Variants in NBEA observed in about 807,000 individuals in gnomAD.
The protein encoded by NBEA is lysosomal-trafficking regulator 2.
In NBEA, 44 loss-of-function variants were observed where a neutral mutation model predicts 343.4. The ratio of observed to expected loss-of-function variants is 0.13; its 90% confidence interval spans 0.10 to 0.16. The LOEUF is 0.16. Ranked by LOEUF, NBEA falls within the 10% of genes least tolerant of loss-of-function variation. NBEA has a pLI of 1.00. For missense variants in NBEA, 2,555 were observed against 3,631.3 expected (o/e 0.70, Z 7.62); for synonymous variants, 1,175 against 1,238.7 (o/e 0.95, Z 1.08).
intron 38 of NBEA, among the ~76,000 whole-genome samples, chr13:35,386,031 C>T (rs2042227384): frequency 6.6e-6 from 1 of 151,926 alleles, no homozygotes; most frequent in African/African-American, 2.4e-5. Flanking sequence ...TTAAAATACA[C>T]ATTTTCTGAA....
At chr13:35,398,793 A>G (rs903025435) in intron 38 of NBEA, among the ~76,000 whole-genome samples, 1 of 152,088 alleles carries the variant, frequency 6.6e-6, no homozygotes, top group African/African-American at 2.4e-5. Flanking sequence ...TGAATGGTCA[A>G]TGAGCTTTGG....
intron 38 of NBEA, among the ~76,000 whole-genome samples, chr13:35,416,167 A>T (rs1369447358): frequency 2.6e-5 from 4 of 152,180 alleles, no homozygotes; most frequent in Admixed American, 6.5e-5. Flanking sequence ...ATATACAATG[A>T]TGTCATCTGC....
chr13:35,620,815 C>T (rs1053602931), intron 48 of NBEA, among the ~76,000 whole-genome samples: 1 of 152,090 alleles, frequency 6.6e-6, no homozygotes, highest in Non-Finnish European at 1.5e-5. Flanking sequence ...CCTATAGTCT[C>T]CCTGGGACTT....
At chr13:35,458,471 T>G (rs1304087942) in intron 40 of NBEA, among the ~76,000 whole-genome samples, 3 of 152,204 alleles carry the variant, frequency 2.0e-5, no homozygotes, top group Non-Finnish European at 4.4e-5. Flanking sequence ...ACTGGAAAGC[T>G]GAGATAATTA....
intron 48 of NBEA, among the ~76,000 whole-genome samples, chr13:35,616,149 C>G (rs2082728819): frequency 6.6e-6 from 1 of 152,146 alleles, no homozygotes; most frequent in Non-Finnish European, 1.5e-5. Flanking sequence ...CATGGAAACT[C>G]TGAACCCAAG....
rs930298493 is a variant in NBEA at position 35,007,670 on chromosome 13, A to G, written c.295-33263A>G. Among the ~76,000 whole-genome samples the G allele has an allele frequency of 7.9e-5, 12 of 151,730 alleles. No individual in the cohort carries two copies. The South Asian group carries it at 2.5e-3, about 32-fold the overall frequency. On this transcript the variant is annotated intron_variant, in intron 1 of 58. Coordinates refer to ENST00000379939, the MANE Select transcript of NBEA (RefSeq NM_001385012.1). ...CTGTGCCACAGCTAATTTTTTTTGT[A>G]TTGGTGGAGATGGGGCTTTACCCTG...
chr13:35,530,613 T>G (rs1257616717), intron 41 of NBEA, among the ~76,000 whole-genome samples: 1 of 152,184 alleles, frequency 6.6e-6, no homozygotes, highest in East Asian at 1.9e-4. Flanking sequence ...GCTCTCTGCC[T>G]TGTTGCTGCT....
chr13:35,606,219 A>G (rs1005644951), intron 47 of NBEA, among the ~76,000 whole-genome samples: 1 of 152,194 alleles, frequency 6.6e-6, no homozygotes, highest in African/African-American at 2.4e-5. Context: ...TCATAAACAT[A>G]AATTTTCAAG....
intron 1 of NBEA, among the ~76,000 whole-genome samples, chr13:34,984,334 T>C (rs562807700): frequency 2.0e-5 from 3 of 152,316 alleles, no homozygotes; most frequent in Non-Finnish European, 2.9e-5. Context: ...TTGACAACTT[T>C]CTCAAAGATC....
chr13:35,078,211 C>T (rs572455614), intron 10 of NBEA, among the ~76,000 whole-genome samples: 1 of 152,200 alleles, frequency 6.6e-6, no homozygotes, highest in African/African-American at 2.4e-5. Flanking sequence ...TGGCCAATAC[C>T]CTGTTTAACA....
At chr13:34,964,526 A>T (rs558772183) in intron 1 of NBEA, among the ~76,000 whole-genome samples, 1 of 152,058 alleles carries the variant, frequency 6.6e-6, no homozygotes, top group South Asian at 2.1e-4. Flanking sequence ...CATGTTCCTT[A>T]GTTCCATTTA....
chr13:35,197,667 T>G (rs922333753), intron 31 of NBEA, among the ~76,000 whole-genome samples: 1 of 152,050 alleles, frequency 6.6e-6, no homozygotes, highest in African/African-American at 2.4e-5. Flanking sequence ...CACGCCTGGC[T>G]AATTTTTGTA....
At chr13:35,028,397 CAATT>C (rs1555280918) in intron 1 of NBEA, among the ~76,000 whole-genome samples, 1 of 151,748 alleles carries the variant, frequency 6.6e-6, no homozygotes, top group Non-Finnish European at 1.5e-5. Flanking sequence ...TTTACATAGA[CAATT>C]AATTTTTTAG....
At chr13:35,667,330 T>G (rs1400855048) in intron 56 of NBEA, 44 bp from the exon 57 acceptor site, 1 of 1,545,208 alleles carries the variant, frequency 6.5e-7, no homozygotes, top group Non-Finnish European at 8.9e-7. Context: ...GTATGTCGTT[T>G]GTCGTCCCCA....
At chr13:35,518,016 A>G (rs1252739892) in intron 41 of NBEA, among the ~76,000 whole-genome samples, 2 of 152,130 alleles carry the variant, frequency 1.3e-5, no homozygotes, top group Admixed American at 1.3e-4. Flanking sequence ...GACACTCTTG[A>G]ATGTATTTTC....
intron 17 of NBEA, among the ~76,000 whole-genome samples, chr13:35,138,198 A>G (rs2067852808): frequency 6.6e-6 from 1 of 152,140 alleles, no homozygotes. Flanking sequence ...TCTGATTATT[A>G]TAATACATAG....
At chr13:35,039,746 C>A (rs542279232) in intron 1 of NBEA, among the ~76,000 whole-genome samples, 6 of 152,106 alleles carry the variant, frequency 3.9e-5, no homozygotes, top group Admixed American at 3.3e-4. Context: ...TTTGTGAATA[C>A]CTTTCAGTGA....
At chr13:35,266,190 G>A (rs2033658738) in intron 34 of NBEA, among the ~76,000 whole-genome samples, 1 of 151,688 alleles carries the variant, frequency 6.6e-6, no homozygotes, top group African/African-American at 2.4e-5. Flanking sequence ...AAGATAATAA[G>A]TGTTGGCAAG....
chr13:35,266,498 T>C (rs1797037455), intron 34 of NBEA, among the ~76,000 whole-genome samples: 2 of 151,878 alleles, frequency 1.3e-5, no homozygotes, highest in South Asian at 4.1e-4. Flanking sequence ...AGTGGAATAC[T>C]ATTCAGCATA....
Sources: gnomAD v4.1 joint callset for allele counts (sites outside exome capture counted in the v4.1 genomes callset) on GRCh38, gnomAD v4.1.1 for gene constraint, MANE v1.5 for transcripts, NCBI Gene and HGNC (gene_info 2026-07-23, HGNC 2026-07-21) for gene names.